Variants in CAMK1D observed in about 807,000 individuals in gnomAD.
The protein encoded by CAMK1D is calcium/calmodulin dependent protein kinase ID, also known as calcium/calmodulin-dependent protein kinase type 1D.
A neutral mutation model predicts 47.7 loss-of-function variants in CAMK1D; 9 were observed. The observed-to-expected ratio is 0.19, with a 90% confidence interval of 0.11 to 0.33. CAMK1D has a LOEUF of 0.33. CAMK1D is among the 10% of genes least tolerant of loss of function. The pLI, the probability that CAMK1D is intolerant of heterozygous loss-of-function variation, is 1.00. For missense variants in CAMK1D, 291 were observed against 488.7 expected (o/e 0.60, Z 3.81); for synonymous variants, 184 against 184.9 (o/e 0.99, Z 0.04).
intron 3 of CAMK1D, among the ~76,000 whole-genome samples, chr10:12,754,745 C>G (rs977073257): frequency 6.6e-6 from 1 of 152,056 alleles, no homozygotes; most frequent in South Asian, 2.1e-4. Flanking sequence ...TTGCTGAGTC[C>G]TTACATGGTC....
intron 1 of CAMK1D, among the ~76,000 whole-genome samples, chr10:12,494,640 C>G (rs1286133515): frequency 6.6e-6 from 1 of 152,126 alleles, no homozygotes; most frequent in African/African-American, 2.4e-5. Context: ...TCTTGGCTCA[C>G]TGCAACCTCT....
intron 3 of CAMK1D, among the ~76,000 whole-genome samples, chr10:12,757,662 G>T (rs1836291948): frequency 6.6e-6 from 1 of 152,290 alleles, no homozygotes; most frequent in Middle Eastern, 3.4e-3. Context: ...TTAAACAACA[G>T]AAATTGATTT....
At chr10:12,353,933 TA>T (rs899220041) in intron 1 of CAMK1D, among the ~76,000 whole-genome samples, 7 of 151,738 alleles carry the variant, frequency 4.6e-5, no homozygotes, top group Admixed American at 1.3e-4. Context: ...AAGCAAAAAA[TA>T]AAAAAACCCC....
chr10:12,653,765 G>T (rs973558749), intron 2 of CAMK1D, among the ~76,000 whole-genome samples: 13 of 152,128 alleles, frequency 8.5e-5, no homozygotes, highest in Admixed American at 3.3e-4. Context: ...TTTACAATTG[G>T]CTTCCCACTT....
At chr10:12,480,460 A>ACAGAAAC (rs1564364767) in intron 1 of CAMK1D, among the ~76,000 whole-genome samples, 1 of 117,990 alleles carries the variant, frequency 8.5e-6, no homozygotes, top group African/African-American at 2.8e-5. Context: ...AAAACAAAAA[A>ACAGAAAC]AAACCACTCA....
chr10:12,534,818 T>C (rs1446346694), intron 1 of CAMK1D, among the ~76,000 whole-genome samples: 1 of 152,106 alleles, frequency 6.6e-6, no homozygotes, highest in Non-Finnish European at 1.5e-5. Context: ...TCCAGAACCT[T>C]GGAGTCCTCT....
intron 3 of CAMK1D, among the ~76,000 whole-genome samples, chr10:12,674,790 T>A (rs1050044488): frequency 2.0e-5 from 3 of 151,554 alleles, no homozygotes; most frequent in Non-Finnish European, 2.9e-5. Flanking sequence ...TCCCAGCACT[T>A]TGGGAGGCTG....
chr10:12,816,257 C>T lies in CAMK1D; in HGVS notation c.762C>T (p.Asp254=). The T allele has an allele frequency of 6.2e-7, 1 of 1,613,846 alleles. No individual in the cohort carries two copies. Among genetic ancestry groups the T allele is most frequent in the Non-Finnish European group, 8.5e-7 (1 of 1,179,898 alleles). Residue 254 remains aspartate, a synonymous_variant, in exon 8 of 11, where the codon GAC becomes GAT. Coordinates refer to ENST00000619168, the MANE Select transcript of CAMK1D (RefSeq NM_153498.4). ...YWDDISDSAK[D]FIRNLMEKDP... ...TGCCTTCTTTTTGAACAGCAAAAGACTTCATTCGGAACCTGATGGAGAAGG... is the reference window on the plus strand; with the variant it reads ...TGCCTTCTTTTTGAACAGCAAAAGATTTCATTCGGAACCTGATGGAGAAGG...
At chr10:12,544,854 G>T in intron 1 of CAMK1D, among the ~76,000 whole-genome samples, 1 of 152,084 alleles carries the variant, frequency 6.6e-6, no homozygotes, top group East Asian at 1.9e-4. Flanking sequence ...CTAGTGTTGA[G>T]TGGATAGTAC....
chr10:12,500,641 G>A (rs769711369), intron 1 of CAMK1D, among the ~76,000 whole-genome samples: 19 of 152,210 alleles, frequency 1.2e-4, no homozygotes, highest in Non-Finnish European at 2.4e-4. Flanking sequence ...GACCTTGGAC[G>A]AGTTGCTGAA....
intron 1 of CAMK1D, among the ~76,000 whole-genome samples, chr10:12,420,839 C>T (rs952243736): frequency 7.2e-5 from 11 of 152,132 alleles, no homozygotes; most frequent in African/African-American, 2.7e-4. Flanking sequence ...CCTGGGCTCA[C>T]GTTGGTATCT....
chr10:12,390,366 C>T (rs1056691462), intron 1 of CAMK1D, among the ~76,000 whole-genome samples: 2 of 152,166 alleles, frequency 1.3e-5, no homozygotes, highest in Non-Finnish European at 2.9e-5. Context: ...CCACTTTGCT[C>T]AACCTTAGTT....
At chr10:12,560,739 A>G (rs1836914013) in intron 2 of CAMK1D, among the ~76,000 whole-genome samples, 1 of 152,014 alleles carries the variant, frequency 6.6e-6, no homozygotes, top group Non-Finnish European at 1.5e-5. Context: ...TAAAAGAGAG[A>G]GAGCTCCTCT....
intron 1 of CAMK1D, among the ~76,000 whole-genome samples, chr10:12,528,310 C>A (rs1835692269): frequency 6.6e-6 from 1 of 152,158 alleles, no homozygotes; most frequent in Non-Finnish European, 1.5e-5. Context: ...TAGAAAATTG[C>A]CATAGGGATA....
chr10:12,654,312 A>G (rs551248800), intron 2 of CAMK1D, among the ~76,000 whole-genome samples: 3 of 152,320 alleles, frequency 2.0e-5, no homozygotes, highest in Non-Finnish European at 4.4e-5. Context: ...TTCTAAGGTG[A>G]TTTGGTGTAT....
At chr10:12,677,315 A>T (rs920649712) in intron 3 of CAMK1D, among the ~76,000 whole-genome samples, 1 of 152,214 alleles carries the variant, frequency 6.6e-6, no homozygotes, top group Non-Finnish European at 1.5e-5. Flanking sequence ...AATGTTTCCG[A>T]ATATGACACC....
chr10:12,739,783 G>A (rs1374769140), intron 3 of CAMK1D, among the ~76,000 whole-genome samples: 1 of 152,096 alleles, frequency 6.6e-6, no homozygotes, highest in Non-Finnish European at 1.5e-5. Flanking sequence ...ACCCCTAATT[G>A]TATGGTGCTC....
chr10:12,811,439 C>G (rs1308974273), intron 6 of CAMK1D, among the ~76,000 whole-genome samples: 1 of 152,204 alleles, frequency 6.6e-6, no homozygotes, highest in African/African-American at 2.4e-5. Context: ...TTTGTAACTT[C>G]TGTTTGTCCT....
chr10:12,627,956 C>T (rs1197970068), intron 2 of CAMK1D, among the ~76,000 whole-genome samples: 1 of 152,034 alleles, frequency 6.6e-6, no homozygotes, highest in East Asian at 1.9e-4. Context: ...TGGCGCACAC[C>T]TGTAATCCCG....
Sources: allele counts gnomAD v4.1 joint callset (sites outside exome capture counted in the v4.1 genomes callset), GRCh38; gene constraint gnomAD v4.1.1; transcripts MANE v1.5; gene names NCBI Gene and HGNC (gene_info 2026-07-23, HGNC 2026-07-21).